Variants in ADAM22 observed in about 807,000 individuals in gnomAD.
The protein encoded by ADAM22 is disintegrin and metalloproteinase domain-containing protein 22.
ADAM22 carries 65 observed loss-of-function variants against 144.6 expected under a neutral mutation model. The observed-to-expected ratio is 0.45, with a 90% CI of 0.37 to 0.55. The LOEUF is 0.55. Among genes scored for constraint, ADAM22 ranks in the 20% least tolerant of loss-of-function variants. The pLI, the probability that ADAM22 is intolerant of heterozygous loss-of-function variation, is 0.00. For synonymous variants in ADAM22, 391 were observed against 412.6 expected (o/e 0.95, Z 0.63); for missense variants, 974 against 1,184.9 (o/e 0.82, Z 2.61).
At chr7:88,166,543 A>G (rs534121734) in intron 24 of ADAM22, among the ~76,000 whole-genome samples, 1 of 152,254 alleles carries the variant, frequency 6.6e-6, no homozygotes, top group Admixed American at 6.5e-5. Flanking sequence ...TTGGAGGCAA[A>G]TGTCCCCCTT....
chr7:88,121,096 ACT>A (rs1829173820), intron 7 of ADAM22, among the ~76,000 whole-genome samples: 2 of 151,482 alleles, frequency 1.3e-5, no homozygotes, highest in African/African-American at 4.9e-5. Context: ...CTATTTCTTG[ACT>A]CTTATTTTAT....
At chr7:88,146,482 G>A (rs1428712373) in intron 17 of ADAM22, among the ~76,000 whole-genome samples, 1 of 152,160 alleles carries the variant, frequency 6.6e-6, no homozygotes, top group African/African-American at 2.4e-5. Context: ...ATCCTTTGTT[G>A]TAAGGGTATG....
At chr7:87,987,591 G>A (rs962536242) in intron 3 of ADAM22, among the ~76,000 whole-genome samples, 8 of 152,310 alleles carry the variant, frequency 5.3e-5, no homozygotes, top group Admixed American at 2.0e-4. Flanking sequence ...CATATTTAAT[G>A]TAATTTGTTT....
intron 3 of ADAM22, among the ~76,000 whole-genome samples, chr7:88,029,782 T>G (rs957364505): frequency 3.9e-5 from 6 of 152,092 alleles, no homozygotes; most frequent in Admixed American, 3.9e-4. Flanking sequence ...CTTTCAGAGT[T>G]TTAAATATGT....
intron 3 of ADAM22, among the ~76,000 whole-genome samples, chr7:88,015,463 C>T (rs939592808): frequency 1.3e-5 from 2 of 152,182 alleles, no homozygotes; most frequent in African/African-American, 2.4e-5. Context: ...AATCAATCAT[C>T]ACAGGCATGC....
At chr7:87,994,886 G>A (rs1790758660) in intron 3 of ADAM22, among the ~76,000 whole-genome samples, 1 of 151,804 alleles carries the variant, frequency 6.6e-6, no homozygotes, top group Non-Finnish European at 1.5e-5. Context: ...GGAGTGCAGT[G>A]GCGCGATCTC....
intron 3 of ADAM22, among the ~76,000 whole-genome samples, chr7:88,019,828 C>T (rs961464649): frequency 6.8e-5 from 10 of 147,380 alleles, no homozygotes; most frequent in East Asian, 4.0e-4. Context: ...TCAGCCTGGG[C>T]GACAGAGCGT....
At chr7:88,140,169 A>G (rs1375693248) in intron 14 of ADAM22, among the ~76,000 whole-genome samples, 1 of 152,170 alleles carries the variant, frequency 6.6e-6, no homozygotes, top group Non-Finnish European at 1.5e-5. Flanking sequence ...CTTGGAGGGC[A>G]CTAAGCCATT....
At chr7:87,972,422 T>G (rs1032730462) in intron 2 of ADAM22, among the ~76,000 whole-genome samples, 2 of 151,508 alleles carry the variant, frequency 1.3e-5, no homozygotes, top group East Asian at 1.9e-4. Context: ...CACTGCTCAA[T>G]GAAATAAAAG....
chr7:88,150,455 T>C (rs1329588397), intron 18 of ADAM22, among the ~76,000 whole-genome samples: 2 of 152,234 alleles, frequency 1.3e-5, no homozygotes, highest in African/African-American at 4.8e-5. Flanking sequence ...GTGTGCCCTT[T>C]TCTGACATTC....
intron 2 of ADAM22, among the ~76,000 whole-genome samples, chr7:87,977,056 G>C (rs1200810485): frequency 6.6e-6 from 1 of 152,086 alleles, no homozygotes; most frequent in Non-Finnish European, 1.5e-5. Context: ...TAGTTGAGAA[G>C]AGTTAAGAGT....
chr7:88,183,921 T>A (rs1043377628), intron 29 of ADAM22, among the ~76,000 whole-genome samples: 2 of 152,022 alleles, frequency 1.3e-5, no homozygotes, highest in African/African-American at 4.8e-5. Context: ...GAATTATGTT[T>A]GCAAACTTTT....
At chr7:87,978,275 A>G in intron 2 of ADAM22, 61 bp from the exon 3 acceptor site, 1 of 1,236,996 alleles carries the variant, frequency 8.1e-7, no homozygotes, top group Non-Finnish European at 1.2e-6. Context: ...CATAAGAAAG[A>G]CTAATTGTCT....
At chr7:88,047,813 G>T (rs56897831) in intron 3 of ADAM22, among the ~76,000 whole-genome samples, 1 of 151,736 alleles carries the variant, frequency 6.6e-6, no homozygotes, top group Non-Finnish European at 1.5e-5. Flanking sequence ...TAGATTACAC[G>T]TATGCAGGGC....
intron 30 of ADAM22, among the ~76,000 whole-genome samples, chr7:88,191,002 G>A (rs1250817820): frequency 6.7e-6 from 1 of 150,126 alleles, no homozygotes; most frequent in African/African-American, 2.5e-5. Context: ...ATCCCCCCAA[G>A]ATAATCAATT....
chr7:88,196,505 C>G lies in ADAM22; in HGVS notation c.*14C>G, dbSNP rs1394290298. 1.2e-6 allele frequency: 2 copies of G among 1,613,940 alleles called. No individual in the cohort carries two copies. The highest frequency in any genetic ancestry group is 3.3e-5 in the Admixed American group (2 of 60,026). ...ACATCCATTTAAGATCAACTGTTTA[C>G]ATGTGATACATCGAAAACTGTTTAC... is the stretch of plus-strand genomic sequence containing the variant. On this transcript the variant is annotated 3_prime_UTR_variant, in exon 32 of 32. Transcript: ENST00000413139.
chr7:88,035,402 C>T (rs1282522818), intron 3 of ADAM22, among the ~76,000 whole-genome samples: 4 of 152,136 alleles, frequency 2.6e-5, no homozygotes, highest in Non-Finnish European at 5.9e-5. Flanking sequence ...GGAGCCTTCC[C>T]CCAAGGGAAG....
At chr7:88,080,698 C>A (rs1459437365) in intron 4 of ADAM22, among the ~76,000 whole-genome samples, 1 of 152,112 alleles carries the variant, frequency 6.6e-6, no homozygotes, top group Non-Finnish European at 1.5e-5. Context: ...TACAAACTAC[C>A]ATCAGAGAAT....
chr7:88,129,150 GAAGTTTCT>G (rs918919415), intron 9 of ADAM22, among the ~76,000 whole-genome samples: 2 of 152,008 alleles, frequency 1.3e-5, no homozygotes, highest in African/African-American at 4.8e-5. Context: ...AGCTTAGGAT[GAAGTTTCT>G]TAGGATAAGA....
Sources: allele counts gnomAD v4.1 joint callset (sites outside exome capture counted in the v4.1 genomes callset), GRCh38; gene constraint gnomAD v4.1.1; transcripts MANE v1.5; gene names NCBI Gene and HGNC (gene_info 2026-07-23, HGNC 2026-07-21).